Variants in NAIP observed in about 807,000 individuals in gnomAD.
NAIP encodes NLR family apoptosis inhibitory protein.
A neutral mutation model predicts 23.0 loss-of-function variants in NAIP; 15 were observed. That is an observed-to-expected ratio of 0.65 (90% CI 0.44 to 1.00). The LOEUF is 1.00. Ranked by LOEUF, NAIP falls within the 50% of genes least tolerant of loss-of-function variation. The pLI, the probability that NAIP is intolerant of heterozygous loss-of-function variation, is 0.00. For missense variants in NAIP, 265 were observed against 278.8 expected, an observed-to-expected ratio of 0.95 and a Z score of 0.35; for synonymous variants, 100 against 100.2, an observed-to-expected ratio of 1.00 and a Z score of 0.01.
At chr5:71,011,676 G>T in intron 4 of NAIP, 1 of 482,706 alleles carries the variant, frequency 2.1e-6, no homozygotes, top group Non-Finnish European at 3.8e-6. Flanking sequence ...ACTAACACCA[G>T]GACCAGCTGA....
intron 4 of NAIP, chr5:71,011,658 G>A: frequency 2.0e-6 from 1 of 493,476 alleles, no homozygotes; most frequent in Non-Finnish European, 3.7e-6. Context: ...AAAGTGATAG[G>A]GAAGCCGACT....
rs1751362446 is a variant in NAIP, at chr5:71,014,923, T to C, written c.-3-2005A>G. Among the ~76,000 whole-genome samples the C allele has an allele frequency of 2.0e-5, 3 of 151,406 alleles. 1 individual carries two copies. Among genetic ancestry groups the C allele is most frequent in the Non-Finnish European group, 3.0e-5 (2 of 67,768 alleles). On this transcript the variant is annotated intron_variant, in intron 3 of 16. Coordinates refer to ENST00000517649, the MANE Select transcript of NAIP (RefSeq NM_004536.3). ...ATCTCAAACAAACAAAAAAAAGATATAGTATTTTCCAGTGCAATCAAATCT... is the reference window on the plus strand; with the variant it reads ...ATCTCAAACAAACAAAAAAAAGATACAGTATTTTCCAGTGCAATCAAATCT...
chr5:71,017,835 C>T (rs1384936515), intron 3 of NAIP, among the ~76,000 whole-genome samples: 1 of 103,934 alleles, frequency 9.6e-6, no homozygotes, highest in Admixed American at 9.1e-5. Flanking sequence ...GCCACCATGC[C>T]CAGCCCTTTC....
At chr5:71,009,864 A>G (rs1302206057) in intron 5 of NAIP, among the ~76,000 whole-genome samples, 2 of 151,538 alleles carry the variant, frequency 1.3e-5, no homozygotes, top group Non-Finnish European at 2.9e-5. Flanking sequence ...CTTGGTAGAA[A>G]CAAAGAAAGT....
chr5:71,017,475 A>G (rs1751495762), intron 3 of NAIP, among the ~76,000 whole-genome samples: 1 of 120,422 alleles, frequency 8.3e-6, no homozygotes, highest in Non-Finnish European at 2.0e-5. Context: ...AGTGGCTCAC[A>G]CCTGTAATCC....
intron 13 of NAIP, among the ~76,000 whole-genome samples, chr5:70,978,140 TATATATA>T (rs1483236932): frequency 8.5e-4 from 35 of 41,078 alleles, no homozygotes; most frequent in African/African-American, 1.8e-3. Context: ...CATATATATA[TATATATA>T]TATTTTTTTT....
intron 5 of NAIP, among the ~76,000 whole-genome samples, chr5:71,009,249 G>A (rs1215843877): frequency 1.0e-4 from 15 of 145,022 alleles, no homozygotes; most frequent in Admixed American, 2.8e-4. Context: ...TACTCAGGAC[G>A]CTGAGGTGGG....
At chr5:71,016,212 T>C (rs1351992793) in intron 3 of NAIP, among the ~76,000 whole-genome samples, 1 of 149,728 alleles carries the variant, frequency 6.7e-6, no homozygotes. Context: ...AAGGATCTCT[T>C]GAGCCCAGGA....
At chr5:71,016,506 A>G (rs1407586565) in intron 3 of NAIP, among the ~76,000 whole-genome samples, 1 of 151,876 alleles carries the variant, frequency 6.6e-6, no homozygotes, top group Non-Finnish European at 1.5e-5. Context: ...TACTGGGGAC[A>G]TTTCATTTAA....
chr5:70,978,130 C>T (rs2528566), intron 13 of NAIP, among the ~76,000 whole-genome samples: 2,772 of 35,330 alleles, frequency 0.078, 113 homozygotes, highest in Non-Finnish European at 0.11. Flanking sequence ...CACACACACA[C>T]ATATATATAT....
chr5:71,002,598 A>T (rs1439750952), intron 6 of NAIP, among the ~76,000 whole-genome samples: 5 of 102,508 alleles, frequency 4.9e-5, no homozygotes, highest in Non-Finnish European at 6.2e-5. Flanking sequence ...TTGTATTTTT[A>T]GTAGAGATGG....
intron 3 of NAIP, among the ~76,000 whole-genome samples, chr5:71,013,661 A>C (rs893452269): frequency 3.4e-5 from 5 of 148,016 alleles, no homozygotes; most frequent in Admixed American, 2.0e-4. Flanking sequence ...AAAAAAAAAG[A>C]AGCTCAGTAA....
At chr5:71,013,070 T>G (rs1751246138) in intron 3 of NAIP, among the ~76,000 whole-genome samples, 152 bp from the exon 4 acceptor site, 1 of 151,552 alleles carries the variant, frequency 6.6e-6, no homozygotes, top group Non-Finnish European at 1.5e-5. Context: ...AACATCAGTA[T>G]TCATCTACTT....
chr5:70,978,153 T>A (rs1372454567), intron 13 of NAIP, among the ~76,000 whole-genome samples: 129 of 92,000 alleles, frequency 1.4e-3, no homozygotes, highest in African/African-American at 5.1e-3. Context: ...ATATATATTT[T>A]TTTTTTTTTT....
intron 5 of NAIP, among the ~76,000 whole-genome samples, chr5:71,009,127 G>A (rs1751024888): frequency 6.6e-6 from 1 of 150,462 alleles, no homozygotes. Flanking sequence ...TTGAGCCCAG[G>A]AGTTTGTAGA....
intron 3 of NAIP, among the ~76,000 whole-genome samples, chr5:71,014,732 A>AT (rs1758931258): frequency 6.6e-6 from 1 of 151,108 alleles, no homozygotes; most frequent in South Asian, 2.1e-4. Flanking sequence ...GTGAAACCCC[A>AT]TCTCTACAAA....
chr5:71,011,999 G>C (rs1751181378), intron 4 of NAIP, among the ~76,000 whole-genome samples: 1 of 151,568 alleles, frequency 6.6e-6, no homozygotes, highest in African/African-American at 2.4e-5. Flanking sequence ...GATCATGTAA[G>C]AGCAGTAGAA....
intron 8 of NAIP, among the ~76,000 whole-genome samples, chr5:71,000,706 C>CCATGCCTG (rs1750782052): frequency 1.8e-5 from 1 of 54,456 alleles, no homozygotes; most frequent in Non-Finnish European, 2.9e-5. Context: ...GCACCCGCCA[C>CCATGCCTG]CATGCCTGGC....
chr5:70,978,819 G>T, intron 13 of NAIP, among the ~76,000 whole-genome samples: 1 of 42,438 alleles, frequency 2.4e-5, no homozygotes, highest in Non-Finnish European at 3.7e-5. Flanking sequence ...CTGAGATGGA[G>T]TTTTGCTCTC....
Sources: gnomAD v4.1 joint callset for allele counts (sites outside exome capture counted in the v4.1 genomes callset) on GRCh38, gnomAD v4.1.1 for gene constraint, MANE v1.5 for transcripts, NCBI Gene and HGNC (gene_info 2026-07-23, HGNC 2026-07-21) for gene names.